FKBP9: variants seen among roughly 807,000 people sequenced by gnomAD.
FKBP9 encodes the protein FKBP prolyl isomerase 9, also known as peptidyl-prolyl cis-trans isomerase FKBP9.
A neutral mutation model predicts 55.6 loss-of-function variants in FKBP9; 27 were observed. That is an observed-to-expected ratio of 0.49 (90% CI 0.36 to 0.67). The LOEUF (loss-of-function observed/expected upper bound fraction) is 0.67. Ranked by LOEUF, FKBP9 falls within the 30% of genes least tolerant of loss-of-function variation. The probability of loss-of-function intolerance (pLI) is 0.00; values close to 1 mark genes in which losing one functional copy is unlikely to be tolerated. For synonymous variants in FKBP9, 267 were observed against 296.5 expected (o/e 0.90, Z 1.02); for missense variants, 539 against 742.8 (o/e 0.73, Z 3.19).
chr7:32,965,393 C>T (rs1471204133), intron 1 of FKBP9, among the ~76,000 whole-genome samples: 2 of 152,058 alleles, frequency 1.3e-5, no homozygotes, highest in East Asian at 1.9e-4. Flanking sequence ...GGCCTCCCAA[C>T]GTGCTGGGAT....
chr7:32,966,546 T>G (rs1319214905), intron 1 of FKBP9, among the ~76,000 whole-genome samples: 1 of 152,336 alleles, frequency 6.6e-6, no homozygotes, highest in Non-Finnish European at 1.5e-5. Flanking sequence ...GTGCATAGTA[T>G]GGGTTGCATT....
chr7:32,984,178 G>GTT (rs397965431), intron 5 of FKBP9, among the ~76,000 whole-genome samples: 4 of 149,714 alleles, frequency 2.7e-5, no homozygotes, highest in East Asian at 2.0e-4. Context: ...CCTTTTAATG[G>GTT]TTTTTTTTTC....
intron 8 of FKBP9, among the ~76,000 whole-genome samples, chr7:33,001,214 T>C (rs1784925058): frequency 6.6e-6 from 1 of 152,230 alleles, no homozygotes; most frequent in Admixed American, 6.5e-5. Flanking sequence ...AGTACATTGT[T>C]CTTCCTACCA....
intron 1 of FKBP9, among the ~76,000 whole-genome samples, chr7:32,969,383 T>C (rs922511838): frequency 2.6e-5 from 4 of 152,020 alleles, no homozygotes; most frequent in Non-Finnish European, 4.4e-5. Flanking sequence ...ATTTAATCCA[T>C]TTTGAATTGA....
At chr7:33,004,058 C>T (rs1001697816) in intron 9 of FKBP9, among the ~76,000 whole-genome samples, 25 of 152,062 alleles carry the variant, frequency 1.6e-4, no homozygotes, top group African/African-American at 4.8e-4. Context: ...GTGGCTCAGG[C>T]GAGAGCACTC....
chr7:32,965,899 A>AGC (rs1363365067), intron 1 of FKBP9, among the ~76,000 whole-genome samples: 10 of 138,306 alleles, frequency 7.2e-5, no homozygotes, highest in African/African-American at 2.7e-4. Context: ...AGAGAGAGAG[A>AGC]GAGCCATGGG....
intron 1 of FKBP9, among the ~76,000 whole-genome samples, chr7:32,960,556 T>C (rs1784001800): frequency 6.6e-6 from 1 of 152,228 alleles, no homozygotes; most frequent in South Asian, 2.1e-4. Flanking sequence ...GCTTCTTTCA[T>C]AGGGAAGAAT....
chr7:32,957,641 A>G lies in FKBP9; in HGVS notation c.68A>G (p.Gln23Arg). 6.0e-6 allele frequency: 9 copies of G among 1,499,786 alleles called. No individual in the cohort carries two copies. Among genetic ancestry groups the G allele is most frequent in the Non-Finnish European group, 7.9e-6 (9 of 1,133,190 alleles). The allele number at this position is 1,499,786 out of a possible 1,614,324, so 92.9% of individuals were successfully genotyped here. Residue 23 changes from glutamine to arginine, a missense_variant, in exon 1 of 10, where the codon CAG becomes CGG. Transcript: ENST00000242209. Reference protein sequence around the residue: ...LLLLLLWVTGQAAPVAGLGSD... With the variant: ...LLLLLLWVTGRAAPVAGLGSD... ...CTGCTGCTGCTCTGGGTGACCGGGC[A>G]GGCAGCGCCCGTGGCGGGCCTGGGC...
Position 32,996,369 on chromosome 7 carries a change from T to G in FKBP9, c.1226+20T>G. ...CTCCACGTAAGGGCAACCAGAATGG[T>G]GTGGGAGTGAGCCTGGAGGGTGACA... is the stretch of plus-strand genomic sequence containing the variant. On this transcript the variant is annotated intron_variant, in intron 7 of 9. Transcript: ENST00000242209. 1 of 1,595,916 alleles carries G rather than the reference T, an allele frequency of 6.3e-7. No homozygotes were observed. Among genetic ancestry groups the G allele is most frequent in the Non-Finnish European group, 8.6e-7 (1 of 1,165,370 alleles).
rs148151337 is a variant in FKBP9, at chr7:32,964,423, A to C, written c.221+6629A>C. 8.7e-3 allele frequency among the ~76,000 whole-genome samples: 1,323 copies of C among 152,336 alleles called. 28 individuals carry two copies. Among genetic ancestry groups the C allele is most frequent in the African/African-American group, 0.031 (1,279 of 41,564 alleles). On this transcript the variant is annotated intron_variant, in intron 1 of 9. Transcript: ENST00000242209. ...TTTGTGCAGTTGCTTAAAAACAAAA[A>C]TCCATAACAGCAATGGATTTTGCTT...
chr7:32,965,866 T>TGTGTAC (rs1554284360), intron 1 of FKBP9, among the ~76,000 whole-genome samples: 3 of 97,516 alleles, frequency 3.1e-5, no homozygotes, highest in African/African-American at 1.4e-4. Flanking sequence ...TATATATATA[T>TGTGTAC]ACATACATAT....
chr7:32,988,870 A>G (rs776224928), intron 6 of FKBP9: 16 of 512,260 alleles, frequency 3.1e-5, no homozygotes, highest in Non-Finnish European at 5.2e-5. Flanking sequence ...CTGGCACTAC[A>G]GGCACGCACC....
At chr7:32,996,606 T>TTTCCTTCCTTCCTTACTTCC (rs1784792931) in intron 7 of FKBP9, among the ~76,000 whole-genome samples, 1 of 110,358 alleles carries the variant, frequency 9.1e-6, no homozygotes, top group Non-Finnish European at 1.8e-5. Flanking sequence ...AACTGCTATC[T>TTTCCTTCCTTCCTTACTTCC]TTCCTTCCTT....
At chr7:33,001,262 T>G (rs989502050) in intron 8 of FKBP9, among the ~76,000 whole-genome samples, 1 of 152,194 alleles carries the variant, frequency 6.6e-6, no homozygotes, top group African/African-American at 2.4e-5. Flanking sequence ...TTGTATATTC[T>G]GGCCGGGTGC....
intron 5 of FKBP9, among the ~76,000 whole-genome samples, chr7:32,985,920 G>T (rs1408993830): frequency 1.3e-5 from 2 of 152,084 alleles, no homozygotes; most frequent in African/African-American, 4.8e-5. Context: ...TTGAACCCAG[G>T]AGACAGAGGT....
intron 6 of FKBP9, among the ~76,000 whole-genome samples, chr7:32,995,469 C>T (rs1784767006): frequency 6.6e-6 from 1 of 152,180 alleles, no homozygotes; most frequent in Non-Finnish European, 1.5e-5. Flanking sequence ...ATGCCTACCC[C>T]ATAAGGTTGC....
chr7:32,993,226 A>G (rs1231614398), intron 6 of FKBP9, among the ~76,000 whole-genome samples: 5 of 152,222 alleles, frequency 3.3e-5, no homozygotes, highest in Non-Finnish European at 7.3e-5. Flanking sequence ...TATACTTAAC[A>G]TCTTTACCTT....
intron 4 of FKBP9, among the ~76,000 whole-genome samples, chr7:32,979,818 TG>T (rs1279092342): frequency 6.6e-6 from 1 of 152,150 alleles, no homozygotes; most frequent in Non-Finnish European, 1.5e-5. Flanking sequence ...ATTTATATTT[TG>T]GATTGTGGGT....
Position 32,957,502 on chromosome 7 carries a change from A to G in FKBP9, c.-72A>G, listed in dbSNP as rs1371893018. 1 of 1,187,352 alleles carries G rather than the reference A, an allele frequency of 8.4e-7. No individual in the cohort carries two copies. The highest frequency in any genetic ancestry group is 1.1e-6 in the Non-Finnish European group (1 of 915,522). 73.6% of individuals were successfully genotyped at this position (1,187,352 alleles called of 1,614,324 possible). A position where few individuals can be genotyped will look rare whatever the true frequency, so the allele number is the denominator to read the frequency against. On this transcript the variant is annotated 5_prime_UTR_variant, in exon 1 of 10. Transcript: ENST00000242209. ...AGACCCGGTCCACGTTTGCAAACGC[A>G]GCCGAACGCCCAGGCCGACCCGTGC...
Sources: allele counts gnomAD v4.1 joint callset (sites outside exome capture counted in the v4.1 genomes callset), GRCh38; gene constraint gnomAD v4.1.1; transcripts MANE v1.5; gene names NCBI Gene and HGNC (gene_info 2026-07-23, HGNC 2026-07-21).